GRAMD1B: variants seen among roughly 807,000 people sequenced by gnomAD.
The protein encoded by GRAMD1B is GRAM domain containing 1B.
In GRAMD1B, 37 loss-of-function variants were observed where a neutral mutation model predicts 99.7. The observed-to-expected ratio is 0.37, with a 90% CI of 0.29 to 0.49. The LOEUF (loss-of-function observed/expected upper bound fraction) is 0.49. Ranked by LOEUF, GRAMD1B falls within the 20% of genes least tolerant of loss-of-function variation. The pLI, the probability that GRAMD1B is intolerant of heterozygous loss-of-function variation, is 0.98. For synonymous variants in GRAMD1B, 427 were observed against 387.6 expected (o/e 1.10, Z -1.19); for missense variants, 888 against 1,009.2 (o/e 0.88, Z 1.63).
At chr11:123,545,912 G>A (rs1016594593) in intron 2 of GRAMD1B, among the ~76,000 whole-genome samples, 19 of 152,182 alleles carry the variant, frequency 1.2e-4, no homozygotes, top group African/African-American at 4.6e-4. Context: ...TTCAGTCTGC[G>A]TGACTTGTTC....
At chr11:123,526,315 AG>A in intron 2 of GRAMD1B, 1 of 707,980 alleles carries the variant, frequency 1.4e-6, no homozygotes, top group South Asian at 1.7e-5. Context: ...GCACTTTAAA[AG>A]TTGGGGTACT....
At chr11:123,437,627 G>C (rs1203139247) in intron 1 of GRAMD1B, among the ~76,000 whole-genome samples, 1 of 152,182 alleles carries the variant, frequency 6.6e-6, no homozygotes, top group Non-Finnish European at 1.5e-5. Flanking sequence ...CGGCTAGAGA[G>C]TGGAGGGCCT....
intron 2 of GRAMD1B, among the ~76,000 whole-genome samples, chr11:123,534,633 C>A (rs2953193): frequency 1.3e-5 from 2 of 152,000 alleles, no homozygotes; most frequent in African/African-American, 2.4e-5. Context: ...GAGGCCGAGG[C>A]GGGTGGATCA....
At chr11:123,394,962 A>G (rs1422533455) in intron 1 of GRAMD1B, among the ~76,000 whole-genome samples, 1 of 151,934 alleles carries the variant, frequency 6.6e-6, no homozygotes, top group African/African-American at 2.4e-5. Flanking sequence ...TACCAATCCC[A>G]CCCATGGTGG....
intron 2 of GRAMD1B, among the ~76,000 whole-genome samples, chr11:123,482,461 T>C (rs1175388262): frequency 1.3e-5 from 2 of 152,200 alleles, no homozygotes; most frequent in African/African-American, 4.8e-5. Flanking sequence ...AAAAGATTTA[T>C]TTCGCAAGTG....
chr11:123,519,932 A>G (rs577476548), intron 2 of GRAMD1B, among the ~76,000 whole-genome samples: 1 of 152,338 alleles, frequency 6.6e-6, no homozygotes, highest in East Asian at 1.9e-4. Context: ...ATATTGTGGC[A>G]TTTGAGTTCA....
At chr11:123,560,342 A>C in intron 2 of GRAMD1B, 2 of 1,162,946 alleles carry the variant, frequency 1.7e-6, no homozygotes, top group Non-Finnish European at 2.2e-6. Flanking sequence ...GGACTTCTGT[A>C]AGGCGGCACG....
chr11:123,465,167 A>G (rs1181643315), intron 1 of GRAMD1B, among the ~76,000 whole-genome samples: 1 of 152,100 alleles, frequency 6.6e-6, no homozygotes, highest in African/African-American at 2.4e-5. Context: ...GAAGAGAAAG[A>G]GACTCTGGAT....
chr11:123,566,643 G>A (rs569698697), intron 2 of GRAMD1B, among the ~76,000 whole-genome samples: 3 of 152,332 alleles, frequency 2.0e-5, no homozygotes, highest in Non-Finnish European at 4.4e-5. Flanking sequence ...GCGGGCGCCT[G>A]TAGTCCCAGC....
At chr11:123,367,654 T>C (rs530859830) in intron 1 of GRAMD1B, among the ~76,000 whole-genome samples, 1 of 152,204 alleles carries the variant, frequency 6.6e-6, no homozygotes, top group South Asian at 2.1e-4. Context: ...AAGGTCCAGT[T>C]ATGCAGCTTG....
intron 15 of GRAMD1B, 160 bp from the exon 16 acceptor site, chr11:123,613,295 G>A: frequency 3.3e-6 from 2 of 611,564 alleles, no homozygotes; most frequent in Non-Finnish European, 5.8e-6. Context: ...TTTGACTGGG[G>A]CTGGGTCCCA....
chr11:123,609,708 T>A, intron 12 of GRAMD1B, 87 bp from the exon 13 acceptor site: 1 of 809,310 alleles, frequency 1.2e-6, no homozygotes, highest in Non-Finnish European at 2.1e-6. Flanking sequence ...GTAAGCACAG[T>A]CCAGAAGGTC....
chr11:123,563,069 G>T (rs887418129), intron 2 of GRAMD1B, among the ~76,000 whole-genome samples: 1 of 152,194 alleles, frequency 6.6e-6, no homozygotes, highest in South Asian at 2.1e-4. Context: ...GAGCCCAGTC[G>T]CTGGCTGAGG....
upstream of GRAMD1B, among the ~76,000 whole-genome samples, chr11:123,426,786 T>C (rs541076422): frequency 2.6e-4 from 39 of 152,274 alleles, 1 homozygote; most frequent in South Asian, 8.1e-3. Context: ...TTTACTTGGA[T>C]GTGTACCCAG....
At chr11:123,488,158 C>T (rs1938093301) in intron 2 of GRAMD1B, among the ~76,000 whole-genome samples, 1 of 152,168 alleles carries the variant, frequency 6.6e-6, no homozygotes, top group South Asian at 2.1e-4. Context: ...TATAGGGGCA[C>T]TAATTACATT....
chr11:123,548,325 T>TATATATACACACAC (rs1555067740), intron 2 of GRAMD1B, among the ~76,000 whole-genome samples: 1 of 86,840 alleles, frequency 1.2e-5, no homozygotes, highest in African/African-American at 5.1e-5. Flanking sequence ...TATATATATA[T>TATATATACACACAC]ACACACACAC....
intron 2 of GRAMD1B, among the ~76,000 whole-genome samples, chr11:123,489,188 G>A (rs1938256293): frequency 6.6e-6 from 1 of 152,182 alleles, no homozygotes; most frequent in Non-Finnish European, 1.5e-5. Flanking sequence ...TAATGTGTAT[G>A]TGCCTATTAG....
At chr11:123,401,255 C>A (rs908905631) in intron 1 of GRAMD1B, among the ~76,000 whole-genome samples, 2 of 46,940 alleles carry the variant, frequency 4.3e-5, no homozygotes, top group Admixed American at 2.0e-4. Context: ...CTTTGCCCCT[C>A]CCTCTGTCCC....
intron 1 of GRAMD1B, among the ~76,000 whole-genome samples, chr11:123,470,263 C>T (rs1419634632): frequency 6.6e-6 from 1 of 152,214 alleles, no homozygotes; most frequent in Non-Finnish European, 1.5e-5. Context: ...ATCTCCAACT[C>T]ATCACACAAA....
Sources: gnomAD v4.1 joint callset for allele counts (sites outside exome capture counted in the v4.1 genomes callset) on GRCh38, gnomAD v4.1.1 for gene constraint, MANE v1.5 for transcripts, NCBI Gene and HGNC (gene_info 2026-07-23, HGNC 2026-07-21) for gene names.